The following RNF125 variants were observed in gnomAD, a reference collection of about 807,000 sequenced individuals.
RNF125 encodes the protein ring finger protein 125.
Under a neutral mutation model 26.0 loss-of-function variants are expected in RNF125, and 21 were observed. The observed-to-expected ratio is 0.81, with a 90% CI of 0.57 to 1.16. RNF125 has a LOEUF of 1.16. Among genes scored for constraint, RNF125 ranks in the 50% most tolerant of loss-of-function variants. The probability of loss-of-function intolerance (pLI) is 0.00; values close to 1 mark genes in which losing one functional copy is unlikely to be tolerated. For missense variants in RNF125, 270 were observed against 299.4 expected (o/e 0.90, Z 0.72); for synonymous variants, 95 against 109.2 (o/e 0.87, Z 0.81).
intron 4 of RNF125, among the ~76,000 whole-genome samples, chr18:32,057,949 C>G (rs747095475): frequency 1.3e-5 from 2 of 151,928 alleles, no homozygotes; most frequent in African/African-American, 4.8e-5. Context: ...GAGGACCCCA[C>G]GCTGAGAACC....
chr18:32,065,611 G>A (rs952938249), intron 4 of RNF125, among the ~76,000 whole-genome samples: 1 of 151,994 alleles, frequency 6.6e-6, no homozygotes, highest in Non-Finnish European at 1.5e-5. Flanking sequence ...TTGGCTCACT[G>A]CAACCTCTGC....
In RNF125 at chr18:32,071,332, C is replaced by A. The variant is rs897312167; in HGVS notation, c.*2948C>A. The A allele has an allele frequency of 6.6e-6, 1 of 152,108 alleles. No homozygotes were observed. Among genetic ancestry groups the A allele is most frequent in the African/African-American group, 2.4e-5 (1 of 41,388 alleles). The allele number at this position is 152,108 out of a possible 1,614,324, so 9.4% of individuals were successfully genotyped here. A position where few individuals can be genotyped will look rare whatever the true frequency, so the allele number is the denominator to read the frequency against. ...GTATTTTTAGTAGAGATGGGTTTTG[C>A]CATGTTGGCCAGGCTGGTTTTGAAC... On this transcript the variant is annotated 3_prime_UTR_variant, in exon 6 of 6. Transcript: ENST00000217740.
intron 1 of RNF125, among the ~76,000 whole-genome samples, chr18:32,022,833 A>C (rs2038997877): frequency 6.6e-6 from 1 of 150,654 alleles, no homozygotes; most frequent in African/African-American, 2.4e-5. Flanking sequence ...TACAGATGCA[A>C]GTCTCCTCCA....
At chr18:32,030,845 G>A (rs2039086407) in intron 1 of RNF125, among the ~76,000 whole-genome samples, 2 of 152,282 alleles carry the variant, frequency 1.3e-5, no homozygotes, top group South Asian at 2.1e-4. Context: ...GAAAATGCAC[G>A]TGAGAGAGCT....
In RNF125 at chr18:32,037,252, G is replaced by A. The variant is rs750934999; in HGVS notation, c.301G>A (p.Ala101Thr). 78 of 1,584,386 alleles carry A rather than the reference G, an allele frequency of 4.9e-5. No homozygotes were observed. The highest frequency in any genetic ancestry group is 4.2e-5 in the Non-Finnish European group (49 of 1,168,732). ...KRMKSEYKNC[A>T]ECDTLVCLSE... is the part of the protein sequence containing the mutation. ...AATGAAATCAGAGTATAAGAACTGC[G>A]CTGAGTGTGACACCCTGGTATGTAT... Residue 101 changes from alanine (A) to threonine (T), a missense_variant, in exon 2 of 6, where the codon GCT (alanine) becomes ACT (threonine). Transcript: ENST00000217740.
chr18:32,083,930 A>G, the RNF125 span, among the ~76,000 whole-genome samples: 1 of 152,284 alleles, frequency 6.6e-6, no homozygotes, highest in African/African-American at 2.4e-5. Context: ...AGTAAAGGAA[A>G]AACAAAAAGG....
At chr18:32,059,974 A>C (rs1194284347) in intron 4 of RNF125, among the ~76,000 whole-genome samples, 1 of 152,134 alleles carries the variant, frequency 6.6e-6, no homozygotes, top group Non-Finnish European at 1.5e-5. Flanking sequence ...AGCCTTGGTC[A>C]GGAGATCTTT....
At chr18:32,086,483 C>G in the RNF125 span, among the ~76,000 whole-genome samples, 4 of 151,616 alleles carry the variant, frequency 2.6e-5, 1 homozygote, top group African/African-American at 9.7e-5. Flanking sequence ...TCCCGAGTAG[C>G]TGGGATTACA....
At chr18:32,042,004 T>C (rs1043552622) in intron 2 of RNF125, 175 bp from the exon 3 acceptor site, 2 of 587,644 alleles carry the variant, frequency 3.4e-6, no homozygotes, top group Non-Finnish European at 6.0e-6. Flanking sequence ...ATTTGAAAAA[T>C]AGTAGTATTC....
At chr18:32,058,963 C>T (rs558462876) in intron 4 of RNF125, among the ~76,000 whole-genome samples, 4 of 152,282 alleles carry the variant, frequency 2.6e-5, no homozygotes, top group South Asian at 2.1e-4. Context: ...AAATCTCATT[C>T]GTTTTTATGA....
At chr18:32,036,413 A>C (rs1455688153) in intron 1 of RNF125, among the ~76,000 whole-genome samples, 2 of 151,752 alleles carry the variant, frequency 1.3e-5, no homozygotes, top group Non-Finnish European at 2.9e-5. Flanking sequence ...TGTATAAATT[A>C]CCCAAATGCT....
At chr18:32,084,923 G>A in the RNF125 span, among the ~76,000 whole-genome samples, 10 of 152,326 alleles carry the variant, frequency 6.6e-5, no homozygotes, top group African/African-American at 2.2e-4. Context: ...TCAAACTGGG[G>A]TGAATTCAAA....
At position 32,069,837 on chromosome 18, in the gene RNF125, A is replaced by G. The variant is rs1007638812; in HGVS notation, c.*1453A>G. On this transcript the variant is annotated 3_prime_UTR_variant, in exon 6 of 6. Coordinates refer to ENST00000217740, the MANE Select transcript of RNF125 (RefSeq NM_017831.4). Reference sequence around the variant, plus strand: ...GGTGAAGAACCTGATCCTAGGACCTATAGAGTTTCCCATACTTTGTATTTT... The same window carrying G: ...GGTGAAGAACCTGATCCTAGGACCTGTAGAGTTTCCCATACTTTGTATTTT... 3 of 152,110 alleles carry G rather than the reference A, an allele frequency of 2.0e-5. No homozygotes were observed. The highest frequency in any genetic ancestry group is 2.9e-5 in the Non-Finnish European group (2 of 68,022). 9.4% of individuals were successfully genotyped at this position (152,110 alleles called of 1,614,324 possible).
At chr18:32,045,782 A>C in intron 4 of RNF125, 50 bp downstream of exon 4, 1 of 1,143,244 alleles carries the variant, frequency 8.7e-7, no homozygotes, top group Non-Finnish European at 1.3e-6. Flanking sequence ...TTCAGGACAC[A>C]TTAGGAAATC....
the RNF125 span, among the ~76,000 whole-genome samples, chr18:32,087,821 A>G: frequency 6.6e-6 from 1 of 152,174 alleles, no homozygotes; most frequent in Non-Finnish European, 1.5e-5. Flanking sequence ...TAATGCACAT[A>G]GTATTCTTGT....
intron 1 of RNF125, among the ~76,000 whole-genome samples, chr18:32,034,632 G>T (rs1406434798): frequency 4.6e-5 from 7 of 152,122 alleles, no homozygotes; most frequent in African/African-American, 1.7e-4. Context: ...AAAATTACTG[G>T]CCGGGCACAG....
chr18:32,089,435 A>G, the RNF125 span, among the ~76,000 whole-genome samples: 1 of 152,188 alleles, frequency 6.6e-6, no homozygotes, highest in Admixed American at 6.5e-5. Flanking sequence ...AACTGTTTAA[A>G]TTATTGCAGC....
the RNF125 span, among the ~76,000 whole-genome samples, chr18:32,083,621 T>C: frequency 2.0e-5 from 3 of 152,144 alleles, no homozygotes; most frequent in Non-Finnish European, 4.4e-5. Flanking sequence ...TGTTAATAAA[T>C]GTGGAGTAGG....
At position 32,071,578 on chromosome 18, in the gene RNF125, A is replaced by C. The variant is rs2039534771; in HGVS notation, c.*3194A>C. 1 of 152,214 alleles carries C rather than the reference A, an allele frequency of 6.6e-6. No homozygotes were observed. The highest frequency in any genetic ancestry group is 2.4e-5 in the African/African-American group (1 of 41,444). 9.4% of individuals were successfully genotyped at this position (152,214 alleles called of 1,614,324 possible). A position where few individuals can be genotyped will look rare whatever the true frequency, so the allele number is the denominator to read the frequency against. ...AAGTAATATCAACTCCTGAGGATAA[A>C]ACGTTACTTGACTAGAGTTAGCTTT... On this transcript the variant is annotated 3_prime_UTR_variant, in exon 6 of 6. Coordinates refer to ENST00000217740, the MANE Select transcript of RNF125 (RefSeq NM_017831.4).
Sources: allele counts gnomAD v4.1 joint callset (sites outside exome capture counted in the v4.1 genomes callset), GRCh38; gene constraint gnomAD v4.1.1; transcripts MANE v1.5; gene names NCBI Gene and HGNC (gene_info 2026-07-23, HGNC 2026-07-21).